SH3PXD2A: variants seen among roughly 807,000 people sequenced by gnomAD.
SH3PXD2A encodes the protein SH3 and PX domains 2A, also known as SH3 and PX domain-containing protein 2A.
Under a neutral mutation model 115.2 loss-of-function variants are expected in SH3PXD2A, and 32 were observed. The ratio of observed to expected loss-of-function variants is 0.28; its 90% CI spans 0.21 to 0.37. The LOEUF is 0.37. Ranked by LOEUF, SH3PXD2A falls within the 10% of genes least tolerant of loss-of-function variation. The probability of loss-of-function intolerance (pLI) is 1.00; values close to 1 mark genes in which losing one functional copy is unlikely to be tolerated. For synonymous variants in SH3PXD2A, 610 were observed against 629.1 expected, an observed-to-expected ratio of 0.97 and a Z score of 0.45; for missense variants, 1,328 against 1,498.7, an observed-to-expected ratio of 0.89 and a Z score of 1.88.
rs973950681 is a variant in SH3PXD2A, at chr10:103,601,510, T to G, written c.*306A>C. The G allele has an allele frequency of 1.2e-5, 3 of 245,232 alleles. No individual in the cohort carries two copies. In the Admixed American group the frequency reaches 1.5e-4, roughly 12 times the overall value. The allele number at this position is 245,232 out of a possible 1,614,324, so 15.2% of individuals were successfully genotyped here. On this transcript the variant is annotated 3_prime_UTR_variant, in exon 15 of 15. Transcript: ENST00000369774. ...CCCACATGGCCTGTCCCAGATGGCA[T>G]GTAATCCATTGGTGAAGTCCCTATG... is the stretch of plus-strand genomic sequence containing the variant.
intron 2 of SH3PXD2A, among the ~76,000 whole-genome samples, chr10:103,771,976 T>TC (rs1441191739): frequency 6.6e-6 from 1 of 151,764 alleles, no homozygotes; most frequent in East Asian, 1.9e-4. Context: ...CCGTCAGTCA[T>TC]CCCCCACCCC....
Position 103,596,645 on chromosome 10 carries a change from A to AGACG in SH3PXD2A, c.*5170_*5171insCGTC. The AGACG allele has an allele frequency of 4.1e-5, 1 of 24,542 alleles. No individual in the cohort carries two copies. 1.5% of individuals were successfully genotyped at this position (24,542 alleles called of 1,614,324 possible). On this transcript the variant is annotated 3_prime_UTR_variant, in exon 15 of 15. Coordinates refer to ENST00000369774, the MANE Select transcript of SH3PXD2A (RefSeq NM_001394015.1). ...CACTTGCATACACAGACACACACAC[A>AGACG]CACACACACACACACACACTCTCTC...
chr10:103,630,951 C>T (rs2036770892), intron 8 of SH3PXD2A, among the ~76,000 whole-genome samples: 1 of 152,082 alleles, frequency 6.6e-6, no homozygotes, highest in Non-Finnish European at 1.5e-5. Flanking sequence ...TTCCGAGACC[C>T]CCAGTGGATG....
intron 10 of SH3PXD2A, among the ~76,000 whole-genome samples, chr10:103,621,097 G>T (rs1425136580): frequency 6.6e-6 from 1 of 152,198 alleles, no homozygotes; most frequent in Non-Finnish European, 1.5e-5. Flanking sequence ...GTGTCAGGGA[G>T]GCTGGATGTG....
intron 4 of SH3PXD2A, among the ~76,000 whole-genome samples, chr10:103,727,987 C>T (rs1420871596): frequency 1.3e-5 from 2 of 152,246 alleles, no homozygotes; most frequent in African/African-American, 4.8e-5. Flanking sequence ...CCAAGCCCAG[C>T]CGTTGTGAGA....
intron 8 of SH3PXD2A, among the ~76,000 whole-genome samples, chr10:103,651,094 G>T (rs1313238320): frequency 3.3e-5 from 5 of 152,190 alleles, no homozygotes; most frequent in Non-Finnish European, 5.9e-5. Flanking sequence ...GCAGGTGGCA[G>T]GTCTTCCTTA....
chr10:103,695,744 C>T (rs2037817384), intron 5 of SH3PXD2A, among the ~76,000 whole-genome samples: 1 of 152,224 alleles, frequency 6.6e-6, no homozygotes, highest in African/African-American at 2.4e-5. Flanking sequence ...TCCATCAGGC[C>T]TCCAGCCACC....
intron 2 of SH3PXD2A, among the ~76,000 whole-genome samples, chr10:103,777,200 CTGAG>C (rs1326962049): frequency 1.3e-5 from 2 of 152,274 alleles, no homozygotes; most frequent in Non-Finnish European, 2.9e-5. Flanking sequence ...GAGCCTGGCA[CTGAG>C]TAAGTGCTCC....
At chr10:103,827,661 G>A (rs550529696) in intron 1 of SH3PXD2A, among the ~76,000 whole-genome samples, 103 of 152,260 alleles carry the variant, frequency 6.8e-4, no homozygotes, top group African/African-American at 2.2e-3. Context: ...CATCCCATGC[G>A]GTTTGTGGTA....
chr10:103,729,617 G>C (rs1375061899), intron 4 of SH3PXD2A, among the ~76,000 whole-genome samples: 1 of 152,224 alleles, frequency 6.6e-6, no homozygotes, highest in Non-Finnish European at 1.5e-5. Flanking sequence ...CAGGTCCCTG[G>C]AGAATGTCAG....
intron 8 of SH3PXD2A, among the ~76,000 whole-genome samples, chr10:103,628,198 C>T (rs2036726681): frequency 6.6e-6 from 1 of 152,174 alleles, no homozygotes; most frequent in African/African-American, 2.4e-5. Flanking sequence ...GAGGGGAAAA[C>T]CGCCAGGTAC....
At chr10:103,810,837 A>C (rs1589464874) in intron 1 of SH3PXD2A, among the ~76,000 whole-genome samples, 1 of 150,192 alleles carries the variant, frequency 6.7e-6, no homozygotes, top group Admixed American at 6.6e-5. Context: ...CAACACACAC[A>C]ACACACACAC....
intron 5 of SH3PXD2A, among the ~76,000 whole-genome samples, chr10:103,697,947 AG>A (rs1400539386): frequency 1.3e-5 from 2 of 152,172 alleles, no homozygotes; most frequent in Admixed American, 6.5e-5. Context: ...TAGGCAGAGC[AG>A]GTGCTCACCC....
At chr10:103,839,582 G>A (rs1250084663) in intron 1 of SH3PXD2A, among the ~76,000 whole-genome samples, 1 of 150,326 alleles carries the variant, frequency 6.7e-6, no homozygotes, top group Non-Finnish European at 1.5e-5. Context: ...AGGCCACACA[G>A]CCCCTCCCCC....
chr10:103,635,660 C>T (rs756603960), intron 8 of SH3PXD2A, among the ~76,000 whole-genome samples: 3 of 152,220 alleles, frequency 2.0e-5, no homozygotes, highest in African/African-American at 4.8e-5. Flanking sequence ...GTTTTCAGGG[C>T]TAAACCCCTA....
At chr10:103,715,655 C>T (rs2038096935) in intron 5 of SH3PXD2A, among the ~76,000 whole-genome samples, 1 of 152,392 alleles carries the variant, frequency 6.6e-6, no homozygotes, top group East Asian at 1.9e-4. Flanking sequence ...CGCAGTCAAC[C>T]CACAGCAATG....
intron 3 of SH3PXD2A, among the ~76,000 whole-genome samples, chr10:103,751,898 T>C (rs1307494504): frequency 1.3e-5 from 2 of 152,240 alleles, no homozygotes; most frequent in Non-Finnish European, 2.9e-5. Context: ...TCGTGATCTG[T>C]GACTGTCTGC....
intron 1 of SH3PXD2A, among the ~76,000 whole-genome samples, chr10:103,840,654 C>A (rs1211485110): frequency 2.6e-5 from 4 of 152,242 alleles, no homozygotes; most frequent in Non-Finnish European, 5.9e-5. Flanking sequence ...GGCTCTGAAC[C>A]CGGCTCTGCC....
intron 4 of SH3PXD2A, among the ~76,000 whole-genome samples, chr10:103,734,359 G>T (rs1434981563): frequency 6.6e-6 from 1 of 152,080 alleles, no homozygotes; most frequent in Non-Finnish European, 1.5e-5. Context: ...AAATTATTTT[G>T]TGTTTGCTTT....
Sources: allele counts gnomAD v4.1 joint callset (sites outside exome capture counted in the v4.1 genomes callset), GRCh38; gene constraint gnomAD v4.1.1; transcripts MANE v1.5; gene names NCBI Gene and HGNC (gene_info 2026-07-23, HGNC 2026-07-21).